CENPX: variants seen among roughly 807,000 people sequenced by gnomAD.
The protein encoded by CENPX is FANCM associated histone fold protein 2.
CENPX carries 13 observed loss-of-function variants against 13.2 expected under a neutral mutation model. The ratio of observed to expected loss-of-function variants is 0.98; its 90% CI spans 0.64 to 1.56. CENPX has a LOEUF of 1.56. CENPX is among the 40% of genes most tolerant of loss of function. The pLI, the probability that CENPX is intolerant of heterozygous loss-of-function variation, is 0.00. For synonymous variants in CENPX, 66 were observed against 47.2 expected (o/e 1.40, Z -1.63); for missense variants, 138 against 107.5 (o/e 1.28, Z -1.26).
At position 82,019,329 on chromosome 17, in the gene CENPX, C is replaced by G. The variant is rs928377137; in HGVS notation, c.195G>C (p.Val65=). Residue 65 remains valine, a synonymous_variant, in exon 4 of 5, where the codon GTG becomes GTC. Coordinates refer to ENST00000392359, the MANE Select transcript of CENPX (RefSeq NM_001271006.2). ...GCACCTTCTCCAGCTGGTCCACGTC[C>G]ACACGGAGCGCGTCTTCTGCCTGGG... ...RQAQAEDALR[V]DVDQLEKVLP... The G allele has an allele frequency of 3.2e-6, 5 of 1,585,328 alleles. No homozygotes were observed. Among genetic ancestry groups the G allele is most frequent in the Middle Eastern group, 3.3e-4 (2 of 6,006 alleles).
In CENPX at chr17:82,021,217, GGTCCAGCATCCCGGCTT is replaced by G. The variant is rs950095243; in HGVS notation, c.37-1325_37-1309del. 9.5e-4 allele frequency among the ~76,000 whole-genome samples: 145 copies of G among 152,318 alleles called. 1 individual carries two copies. Among genetic ancestry groups the G allele is most frequent in the African/African-American group, 3.0e-3 (123 of 41,570 alleles). ...AATGTTCCCCAGCAGCGGGCAGCAG[GGTCCAGCATCCCGGCTT>G]GTCCAGCATCCCGGCTCGTCCTGAG... On this transcript the variant is annotated intron_variant, in intron 1 of 4. Transcript: ENST00000392359.
At chr17:82,022,653 C>A in intron 1 of CENPX, 173 bp downstream of exon 1, 1 of 734,014 alleles carries the variant, frequency 1.4e-6, no homozygotes, top group Non-Finnish European at 2.2e-6. Context: ...TGCGAGACAC[C>A]AGCCCACGAG....
At chr17:82,022,258 C>G (rs976989975) in intron 1 of CENPX, among the ~76,000 whole-genome samples, 1 of 152,234 alleles carries the variant, frequency 6.6e-6, no homozygotes, top group African/African-American at 2.4e-5. Context: ...TGCTGAGTCA[C>G]TTAACGCCCC....
chr17:82,022,737 C>T (rs946726287), intron 1 of CENPX, 89 bp downstream of exon 1: 1 of 1,446,008 alleles, frequency 6.9e-7, no homozygotes, highest in Non-Finnish European at 9.4e-7. Flanking sequence ...GGGGGCGGCG[C>T]GGGGGCTGGC....
intron 1 of CENPX, among the ~76,000 whole-genome samples, chr17:82,021,752 C>T (rs920133427): frequency 9.2e-5 from 14 of 152,234 alleles, no homozygotes; most frequent in Admixed American, 5.9e-4. Flanking sequence ...GCCCCGTCTC[C>T]GGCAGTGGCC....
chr17:82,019,902 A>G lies in CENPX; in HGVS notation c.44T>C (p.Val15Ala). ...GAGSGFRKELVSRLLHLHFKD... is the reference protein window; with the variant it reads ...GAGSGFRKELASRLLHLHFKD... Reference sequence around the variant, plus strand: ...GAAGTGCAGGTGCAGCAGCCTGCTCACCAGCTCCTAGAAGGGAGGGGGGTG... The same window carrying G: ...GAAGTGCAGGTGCAGCAGCCTGCTCGCCAGCTCCTAGAAGGGAGGGGGGTG... The change falls in exon 2 of 5, where the codon GTG becomes GCG. Residue 15 changes from valine (V) to alanine (A), a missense_variant. Physicochemically the swap from Val to Ala is moderately conservative, Grantham distance 64. Transcript: ENST00000392359. 1 of 1,591,798 alleles carries G rather than the reference A, an allele frequency of 6.3e-7. No homozygotes were observed. Among genetic ancestry groups the G allele is most frequent in the South Asian group, 1.1e-5 (1 of 89,560 alleles).
intron 1 of CENPX, chr17:82,022,517 C>T (rs2043306298): frequency 3.8e-6 from 2 of 519,942 alleles, no homozygotes; most frequent in Non-Finnish European, 6.8e-6. Flanking sequence ...CGCAGGGCGG[C>T]GGCCCAGCTC....
chr17:82,019,710 A>T lies in CENPX; in HGVS notation c.89-16T>A. On this transcript the variant is annotated splice_polypyrimidine_tract_variant and intron_variant, in intron 2 of 4. Coordinates refer to ENST00000392359, the MANE Select transcript of CENPX (RefSeq NM_001271006.2). ...TCCCCGCTCACTGCAAGGCAGGGGG[A>T]GGTTATGCGGGACCCTCACCCACCG... is the stretch of plus-strand genomic sequence containing the variant. 1 of 1,549,814 alleles carries T rather than the reference A, an allele frequency of 6.5e-7. No individual in the cohort carries two copies. The highest frequency in any genetic ancestry group is 8.7e-7 in the Non-Finnish European group (1 of 1,146,788).
intron 4 of CENPX, 31 bp downstream of exon 4, chr17:82,019,259 ACCC>A (rs1568006964): frequency 6.3e-7 from 1 of 1,597,292 alleles, no homozygotes; most frequent in South Asian, 1.1e-5. Flanking sequence ...CCAGCCGGGC[ACCC>A]CCACTTGCGC....
intron 1 of CENPX, among the ~76,000 whole-genome samples, chr17:82,022,265 C>A (rs571361819): frequency 6.6e-6 from 1 of 152,240 alleles, no homozygotes; most frequent in African/African-American, 2.4e-5. Flanking sequence ...TCACTTAACG[C>A]CCCCGTGCCT....
chr17:82,022,664 G>A (rs1477718329), intron 1 of CENPX, 162 bp downstream of exon 1: 1 of 818,648 alleles, frequency 1.2e-6, no homozygotes, highest in Non-Finnish European at 1.9e-6. Context: ...AGCCCACGAG[G>A]GCGCGGGGCG....
Position 82,019,924 on chromosome 17 carries a change from G to A in CENPX, c.37-15C>T. The A allele has an allele frequency of 1.3e-6, 2 of 1,578,128 alleles. No homozygotes were observed. The highest frequency in any genetic ancestry group is 1.1e-5 in the South Asian group (1 of 87,418). ...CTCACCAGCTCCTAGAAGGGAGGGG[G>A]GTGTCAGCGCCACGCCCCGCCCTCC... is the stretch of plus-strand genomic sequence containing the variant. On this transcript the variant is annotated splice_polypyrimidine_tract_variant and intron_variant, in intron 1 of 4. Transcript: ENST00000392359.
At chr17:82,020,113 G>A (rs1017798746) in intron 1 of CENPX, among the ~76,000 whole-genome samples, 14 of 152,220 alleles carry the variant, frequency 9.2e-5, no homozygotes, top group Admixed American at 6.5e-5. Context: ...TCCACTAGGG[G>A]GCGCCAGGGC....
intron 1 of CENPX, among the ~76,000 whole-genome samples, chr17:82,022,087 T>G (rs900590796): frequency 6.6e-6 from 1 of 152,252 alleles, no homozygotes. Context: ...AACCTTCAGG[T>G]AGAGCAGTAG....
chr17:82,019,754 G>A, intron 2 of CENPX, 60 bp from the exon 3 acceptor site: 2 of 1,550,032 alleles, frequency 1.3e-6, no homozygotes, highest in East Asian at 4.9e-5. Flanking sequence ...GGGTGCTCCA[G>A]ACATACCCCC....
chr17:82,019,185 C>G lies in CENPX; in HGVS notation c.*20G>C. On this transcript the variant is annotated 3_prime_UTR_variant, in exon 5 of 5. Coordinates refer to ENST00000392359, the MANE Select transcript of CENPX (RefSeq NM_001271006.2). ...GACCAGGGGCTCCTCTGGGGGTGGC[C>G]TCAGCCACGGCTGAGATCCCTAGAA... 6.4e-7 allele frequency: 1 copy of G among 1,551,254 alleles called. No homozygotes were observed. The highest frequency in any genetic ancestry group is 1.2e-5 in the South Asian group (1 of 83,126).
Position 82,019,894 on chromosome 17 carries a change from G to C in CENPX, c.52C>G (p.Leu18Val). ...TCATCCTTGAAGTGCAGGTGCAGCA[G>C]CCTGCTCACCAGCTCCTAGAAGGGA... ...SGFRKELVSRLLHLHFKDDKT... is the reference protein window; with the variant it reads ...SGFRKELVSRVLHLHFKDDKT... Residue 18 changes from leucine to valine, a missense_variant, in exon 2 of 5, where the codon CTG becomes GTG. By Grantham distance (32) the Leu-to-Val change is conservative. Coordinates refer to ENST00000392359, the MANE Select transcript of CENPX (RefSeq NM_001271006.2). The C allele has an allele frequency of 6.3e-7, 1 of 1,597,724 alleles. No individual in the cohort carries two copies. The highest frequency in any genetic ancestry group is 8.6e-7 in the Non-Finnish European group (1 of 1,169,356).
Position 82,022,817 on chromosome 17 carries a change from G to C in CENPX, c.36+9C>G, listed in dbSNP as rs768467495. On this transcript the variant is annotated intron_variant, in intron 1 of 4. Transcript: ENST00000392359. ...CGCGCCTGCCTAGCCCCTGCCCTCC[G>C]GCCCTCACCTTCCGGAAGCCGGATC... is the stretch of plus-strand genomic sequence containing the variant. 1.3e-6 allele frequency: 2 copies of C among 1,584,884 alleles called. No individual in the cohort carries two copies. The highest frequency in any genetic ancestry group is 2.3e-5 in the East Asian group (1 of 43,580).
At chr17:82,022,591 A>C in intron 1 of CENPX, 1 of 580,930 alleles carries the variant, frequency 1.7e-6, no homozygotes, top group Non-Finnish European at 3.0e-6. Context: ...GTTTCTGCAG[A>C]CCCTCTCCAC....
Sources: allele counts gnomAD v4.1 joint callset (sites outside exome capture counted in the v4.1 genomes callset), GRCh38; gene constraint gnomAD v4.1.1; transcripts MANE v1.5; gene names NCBI Gene and HGNC (gene_info 2026-07-23, HGNC 2026-07-21).